FNIP1: variants seen among roughly 807,000 people sequenced by gnomAD.
The protein encoded by FNIP1 is folliculin interacting protein 1.
In FNIP1, 40 loss-of-function variants were observed where a neutral mutation model predicts 124.5. The ratio of observed to expected loss-of-function variants is 0.32; its 90% CI spans 0.25 to 0.42. The LOEUF is 0.42. FNIP1 is among the 10% of genes least tolerant of loss of function. The probability of loss-of-function intolerance (pLI) is 1.00; values close to 1 mark genes in which losing one functional copy is unlikely to be tolerated. For synonymous variants in FNIP1, 472 were observed against 470.6 expected, an observed-to-expected ratio of 1.00 and a Z score of -0.04; for missense variants, 1,176 against 1,403.7, an observed-to-expected ratio of 0.84 and a Z score of 2.59.
chr5:131,740,008 A>C (rs572960432), intron 2 of FNIP1, among the ~76,000 whole-genome samples: 1 of 152,186 alleles, frequency 6.6e-6, no homozygotes, highest in Non-Finnish European at 1.5e-5. Context: ...CAAACACACA[A>C]AAATAAGGAT....
chr5:131,652,019 T>A lies in FNIP1; in HGVS notation c.3109-20A>T. The stretch of plus-strand genomic sequence containing the variant: ...TGGATGCTGGAAATAAAAGAATAAT[T>A]CATCTTATGTTTAGCAAATGAAGTT... On this transcript the variant is annotated intron_variant, in intron 15 of 17. Coordinates refer to ENST00000510461, the MANE Select transcript of FNIP1 (RefSeq NM_133372.3). 2 of 1,595,444 alleles carry A rather than the reference T, an allele frequency of 1.3e-6. No individual in the cohort carries two copies. The highest frequency in any genetic ancestry group is 2.2e-5 in the South Asian group (2 of 89,030).
At chr5:131,772,748 C>A (rs761864658) in intron 1 of FNIP1, among the ~76,000 whole-genome samples, 3 of 152,152 alleles carry the variant, frequency 2.0e-5, no homozygotes, top group Non-Finnish European at 4.4e-5. Flanking sequence ...AGATATGGAT[C>A]GCTGTTTCCC....
chr5:131,690,748 G>A lies in FNIP1; in HGVS notation c.1202+8169C>T, dbSNP rs186901415. On this transcript the variant is annotated intron_variant, in intron 11 of 17. Transcript: ENST00000510461. ...TTCAGACAAAGCAGAGGTCAGAACA[G>A]TGAAAATTATCAGAGATAAAGAGGG... 2.6e-5 allele frequency among the ~76,000 whole-genome samples: 4 copies of A among 152,274 alleles called. No individual in the cohort carries two copies. The East Asian group carries it at 7.7e-4, about 29-fold the overall frequency.
intron 1 of FNIP1, among the ~76,000 whole-genome samples, chr5:131,791,557 G>A (rs933323711): frequency 1.3e-5 from 2 of 152,234 alleles, no homozygotes; most frequent in African/African-American, 4.8e-5. Context: ...GCAAACCTGA[G>A]CATCAGAATT....
intron 1 of FNIP1, among the ~76,000 whole-genome samples, chr5:131,753,090 T>A (rs1221051080): frequency 6.6e-6 from 1 of 151,504 alleles, no homozygotes; most frequent in Admixed American, 6.6e-5. Flanking sequence ...AACAAAAACA[T>A]ACAAACAAAC....
intron 1 of FNIP1, among the ~76,000 whole-genome samples, chr5:131,774,737 C>T (rs944284187): frequency 1.3e-5 from 2 of 152,156 alleles, no homozygotes; most frequent in African/African-American, 4.8e-5. Flanking sequence ...TAAATACTTG[C>T]AAATTCTGAG....
In FNIP1 at chr5:131,716,659, A is replaced by G. The variant is rs1357244809; in HGVS notation, c.531-3T>C. 12 of 1,549,012 alleles carry G rather than the reference A, an allele frequency of 7.7e-6. No individual in the cohort carries two copies. The highest frequency in any genetic ancestry group is 9.6e-6 in the Non-Finnish European group (11 of 1,142,364). On this transcript the variant is annotated splice_polypyrimidine_tract_variant and splice_region_variant and intron_variant, in intron 5 of 17. Transcript: ENST00000510461. ...TGAATTCAAGACTATCTTGTAGCCT[A>G]TGGAGGGTGAGAAGAAAATTAATTC...
At chr5:131,694,194 A>C (rs897363557) in intron 11 of FNIP1, among the ~76,000 whole-genome samples, 8 of 152,212 alleles carry the variant, frequency 5.3e-5, no homozygotes, top group African/African-American at 1.9e-4. Flanking sequence ...TAGTTTTTCC[A>C]TAATATCCAG....
At chr5:131,780,792 T>C (rs917618380) in intron 1 of FNIP1, among the ~76,000 whole-genome samples, 2 of 152,184 alleles carry the variant, frequency 1.3e-5, no homozygotes, top group Non-Finnish European at 2.9e-5. Context: ...GGAGCCTCCC[T>C]ATTCCCTGAG....
intron 1 of FNIP1, among the ~76,000 whole-genome samples, chr5:131,774,485 C>T (rs1422627586): frequency 1.3e-5 from 2 of 152,182 alleles, no homozygotes; most frequent in Non-Finnish European, 2.9e-5. Flanking sequence ...TTGAAAGTCA[C>T]ACACCTATCT....
At chr5:131,753,338 C>A (rs1240730581) in intron 1 of FNIP1, among the ~76,000 whole-genome samples, 1 of 152,118 alleles carries the variant, frequency 6.6e-6, no homozygotes, top group Non-Finnish European at 1.5e-5. Context: ...ATGTTCACTG[C>A]AGTTTTATTT....
At chr5:131,664,989 G>A (rs900645457) in intron 15 of FNIP1, among the ~76,000 whole-genome samples, 7 of 151,080 alleles carry the variant, frequency 4.6e-5, no homozygotes, top group Non-Finnish European at 1.0e-4. Context: ...TAAATATTGT[G>A]TATTTACACA....
chr5:131,658,569 A>C (rs1178733810), intron 15 of FNIP1, among the ~76,000 whole-genome samples: 1 of 152,172 alleles, frequency 6.6e-6, no homozygotes, highest in Admixed American at 6.5e-5. Context: ...AAGGGGGGCC[A>C]CAAAGGCTGA....
rs1296753740 is a variant in FNIP1, at chr5:131,797,014, A to G, written c.-93T>C. On this transcript the variant is annotated 5_prime_UTR_variant, in exon 1 of 18. The change abolishes an upstream ATG in the 5' untranslated region. Coordinates refer to ENST00000510461, the MANE Select transcript of FNIP1 (RefSeq NM_133372.3). The stretch of plus-strand genomic sequence containing the variant: ...CGCCACCCCCATGGGCGCCTCAGTC[A>G]TATGACAGAAATTAGTCACTTCAAA... The G allele has an allele frequency of 7.5e-6, 9 of 1,192,554 alleles. No homozygotes were observed. Among genetic ancestry groups the G allele is most frequent in the South Asian group, 2.8e-5 (2 of 71,998 alleles). 73.9% of individuals were successfully genotyped at this position (1,192,554 alleles called of 1,614,324 possible).
At position 131,704,257 on chromosome 5, in the gene FNIP1, T is replaced by C; in HGVS notation, c.924A>G (p.Glu308=). The C allele has an allele frequency of 6.3e-7, 1 of 1,595,604 alleles. No homozygotes were observed. The highest frequency in any genetic ancestry group is 1.2e-5 in the South Asian group (1 of 86,466). ...TTTCATCTGAGAGATTAAAGCTTTC[T>C]TCTATAGACCTTAAAAATAAATGAT... is the stretch of plus-strand genomic sequence containing the variant. ...ENGVFPRWSI[E]ESFNLSDESC... The change falls in exon 10 of 18, where the codon GAA becomes GAG. Residue 308 remains glutamate, a synonymous_variant. Coordinates refer to ENST00000510461, the MANE Select transcript of FNIP1 (RefSeq NM_133372.3).
Position 131,709,575 on chromosome 5 carries a change from A to C in FNIP1, c.707-303T>G, listed in dbSNP as rs138253144. On this transcript the variant is annotated intron_variant, in intron 7 of 17. Transcript: ENST00000510461. ...TATTTATAATATACTATTAAATGAA[A>C]AAAAGCAAGCTACTGAACAGTATGA... is the stretch of plus-strand genomic sequence containing the variant. 4.7e-3 allele frequency among the ~76,000 whole-genome samples: 712 copies of C among 152,336 alleles called. 8 individuals carry two copies. The highest frequency in any genetic ancestry group is 0.016 in the African/African-American group (676 of 41,590).
At chr5:131,793,538 T>C (rs1772479603) in intron 1 of FNIP1, among the ~76,000 whole-genome samples, 1 of 152,130 alleles carries the variant, frequency 6.6e-6, no homozygotes, top group Non-Finnish European at 1.5e-5. Context: ...TTCAAACTCA[T>C]CTCCAGCTCA....
rs1001235296 is a variant in FNIP1, at chr5:131,692,453, T to G, written c.1202+6464A>C. 7.2e-5 allele frequency among the ~76,000 whole-genome samples: 11 copies of G among 152,104 alleles called. No homozygotes were observed. In the East Asian group the frequency reaches 2.1e-3, roughly 29 times the overall value. Reference sequence around the variant, plus strand: ...TTTCCATGGTAATGAATAGGAAGACTCTATTGTTAAAACGTCAATTCTTCC... The same window carrying G: ...TTTCCATGGTAATGAATAGGAAGACGCTATTGTTAAAACGTCAATTCTTCC... On this transcript the variant is annotated intron_variant, in intron 11 of 17. Transcript: ENST00000510461.
chr5:131,722,743 T>C (rs1769714525), intron 3 of FNIP1, among the ~76,000 whole-genome samples: 1 of 152,228 alleles, frequency 6.6e-6, no homozygotes, highest in Non-Finnish European at 1.5e-5. Context: ...TGGAGTGCAA[T>C]GGCACAATCT....
Sources: gnomAD v4.1 joint callset for allele counts (sites outside exome capture counted in the v4.1 genomes callset) on GRCh38, gnomAD v4.1.1 for gene constraint, MANE v1.5 for transcripts, NCBI Gene and HGNC (gene_info 2026-07-23, HGNC 2026-07-21) for gene names.